Variants in ADGRL3 observed in about 807,000 individuals in gnomAD.
ADGRL3 encodes calcium-independent alpha-latrotoxin receptor 3.
In ADGRL3, 62 loss-of-function variants were observed where a neutral mutation model predicts 153.5. The observed-to-expected ratio is 0.40, with a 90% CI of 0.33 to 0.50. The LOEUF is 0.50. ADGRL3 is among the 20% of genes least tolerant of loss of function. The pLI is 0.47. For missense variants in ADGRL3, 1,641 were observed against 1,859.4 expected (o/e 0.88, Z 2.16); for synonymous variants, 710 against 672.5 (o/e 1.06, Z -0.86).
chr4:61,923,571 C>A (rs1044150809), intron 13 of ADGRL3, among the ~76,000 whole-genome samples: 1 of 152,114 alleles, frequency 6.6e-6, no homozygotes, highest in Non-Finnish European at 1.5e-5. Context: ...CAGTGCGTGT[C>A]TCTGTACCTT....
chr4:62,078,027 C>A lies in ADGRL3; in HGVS notation c.*7119C>A, dbSNP rs1333583795. Reference sequence around the variant, plus strand: ...TTTTCCCCCTCACCAAGCATTAAATCTAATTCAAAATATGTCTTTCTAAAA... The same window carrying A: ...TTTTCCCCCTCACCAAGCATTAAATATAATTCAAAATATGTCTTTCTAAAA... On this transcript the variant is annotated 3_prime_UTR_variant, in exon 27 of 27. Transcript: ENST00000683033. 3 of 151,924 alleles carry A rather than the reference C, an allele frequency of 2.0e-5. No homozygotes were observed. Among genetic ancestry groups the A allele is most frequent in the Non-Finnish European group, 4.4e-5 (3 of 67,890 alleles). 9.4% of individuals were successfully genotyped at this position (151,924 alleles called of 1,614,324 possible). A position where few individuals can be genotyped will look rare whatever the true frequency, so the allele number is the denominator to read the frequency against.
chr4:61,726,688 A>G lies in ADGRL3; in HGVS notation c.584-3934A>G, dbSNP rs1440538047. ...TAAGGGTACCCAAATGTATTTTAATAGTCTAAACCAAATGTTACAAGGAAA... is the reference window on the plus strand; with the variant it reads ...TAAGGGTACCCAAATGTATTTTAATGGTCTAAACCAAATGTTACAAGGAAA... On this transcript the variant is annotated intron_variant, in intron 6 of 26. Coordinates refer to ENST00000683033, the MANE Select transcript of ADGRL3 (RefSeq NM_001387552.1). Among the ~76,000 whole-genome samples, 4 of 152,322 alleles carry G rather than the reference A, an allele frequency of 2.6e-5. No individual in the cohort carries two copies. In the East Asian group the frequency reaches 7.7e-4, roughly 29 times the overall value.
rs561668305 is a variant in ADGRL3 at position 62,077,472 on chromosome 4, A to G, written c.*6564A>G. On this transcript the variant is annotated 3_prime_UTR_variant, in exon 27 of 27. Coordinates refer to ENST00000683033, the MANE Select transcript of ADGRL3 (RefSeq NM_001387552.1). Reference sequence around the variant, plus strand: ...TTCCTCTGTTTCTTCTGAATGTAAAACAGGCAAAATGATCCTGACTTCAAA... The same window carrying G: ...TTCCTCTGTTTCTTCTGAATGTAAAGCAGGCAAAATGATCCTGACTTCAAA... 1 of 152,158 alleles carries G rather than the reference A, an allele frequency of 6.6e-6. No homozygotes were observed. Among genetic ancestry groups the G allele is most frequent in the African/African-American group, 2.4e-5 (1 of 41,568 alleles). 9.4% of individuals were successfully genotyped at this position (152,158 alleles called of 1,614,324 possible).
intron 18 of ADGRL3, 29 bp downstream of exon 18, chr4:61,979,801 G>T (rs1304424847): frequency 6.9e-6 from 11 of 1,583,108 alleles, no homozygotes; most frequent in Non-Finnish European, 9.5e-6. Context: ...TACCAGTGAA[G>T]AATTTTTCCA....
At chr4:61,468,371 T>TCC (rs1366530909) in intron 2 of ADGRL3, among the ~76,000 whole-genome samples, 2 of 152,148 alleles carry the variant, frequency 1.3e-5, no homozygotes, top group Non-Finnish European at 2.9e-5. Flanking sequence ...CAGCTGGAAA[T>TCC]CCGGTACTTG....
rs112822655 is a variant in ADGRL3 at position 61,947,047 on chromosome 4, G to A, written c.2553G>A (p.Thr851=). Residue 851 remains threonine (T), a synonymous_variant, in exon 16 of 27, where the codon ACG becomes ACA. Transcript: ENST00000683033. ...TTATTGTCAATTCCCCTGTTATTAC[G>A]GCAGCAATAAACAAAGAGTTCAGTA... The part of the protein sequence containing the change: ...HSVIVNSPVI[T]AAINKEFSNK... 22 of 1,613,644 alleles carry A rather than the reference G, an allele frequency of 1.4e-5. No homozygotes were observed. The highest frequency in any genetic ancestry group is 5.0e-5 in the Admixed American group (3 of 59,994).
rs567142414 is a variant in ADGRL3 at position 61,673,673 on chromosome 4, C to G, written c.474-3153C>G. ...AAAGAAAGCGAAGTAAAGGACAGAA[C>G]CTTTAAACTCCTGTTTTCAAAATAT... On this transcript the variant is annotated intron_variant, in intron 5 of 26. Transcript: ENST00000683033. Among the ~76,000 whole-genome samples, 18 of 151,304 alleles carry G rather than the reference C, an allele frequency of 1.2e-4. No homozygotes were observed. The South Asian group carries it at 3.5e-3, about 30-fold the overall frequency.
At chr4:61,533,220 A>G (rs6813884) in intron 4 of ADGRL3, among the ~76,000 whole-genome samples, 45,537 of 152,052 alleles carry the variant, frequency 0.3, 7,037 homozygotes, top group South Asian at 0.4. Flanking sequence ...AAGTTTTTCA[A>G]CATGCACCCT....
At chr4:62,007,383 T>C (rs111334767) in intron 21 of ADGRL3, among the ~76,000 whole-genome samples, 1,594 of 30,774 alleles carry the variant, frequency 0.052, 162 homozygotes, top group African/African-American at 0.18. Context: ...TATATATATA[T>C]ACACACACAC....
chr4:61,488,496 GGGTATT>G (rs1350004276), intron 2 of ADGRL3, among the ~76,000 whole-genome samples: 1 of 151,902 alleles, frequency 6.6e-6, no homozygotes, highest in African/African-American at 2.4e-5. Context: ...AACTTATGTA[GGGTATT>G]GCAGGGAAGA....
At chr4:62,018,057 G>A (rs567368491) in intron 21 of ADGRL3, among the ~76,000 whole-genome samples, 1 of 152,188 alleles carries the variant, frequency 6.6e-6, no homozygotes, top group Admixed American at 6.5e-5. Context: ...AAAGAATATA[G>A]ATTCCTGAAA....
chr4:61,919,415 A>G (rs1187659077), intron 13 of ADGRL3, among the ~76,000 whole-genome samples: 1 of 152,190 alleles, frequency 6.6e-6, no homozygotes, highest in Non-Finnish European at 1.5e-5. Context: ...TCAGTAAGAG[A>G]GAAAATATAA....
intron 1 of ADGRL3, among the ~76,000 whole-genome samples, chr4:61,354,586 G>GTA (rs983560748): frequency 2.6e-5 from 4 of 151,292 alleles, no homozygotes; most frequent in Non-Finnish European, 5.9e-5. Context: ...GTGTGTGTGT[G>GTA]TGTGTGTGTG....
At chr4:61,939,172 A>G (rs1449976384) in intron 15 of ADGRL3, among the ~76,000 whole-genome samples, 1 of 152,208 alleles carries the variant, frequency 6.6e-6, no homozygotes, top group Non-Finnish European at 1.5e-5. Context: ...ACCTTAAAAT[A>G]ACATGACAGT....
At chr4:61,949,643 C>T (rs146320688) in intron 17 of ADGRL3, among the ~76,000 whole-genome samples, 6 of 151,762 alleles carry the variant, frequency 4.0e-5, no homozygotes, top group Non-Finnish European at 7.4e-5. Flanking sequence ...TGCAGTGAGC[C>T]GAGATCGCAC....
intron 4 of ADGRL3, among the ~76,000 whole-genome samples, chr4:61,518,005 A>G (rs73822610): frequency 0.022 from 3,325 of 152,278 alleles, 111 homozygotes; most frequent in East Asian, 0.15. Flanking sequence ...ATAGTTACTG[A>G]AACAACCTAA....
intron 9 of ADGRL3, among the ~76,000 whole-genome samples, chr4:61,841,646 A>C (rs1034684129): frequency 2.0e-5 from 3 of 152,220 alleles, no homozygotes; most frequent in Non-Finnish European, 2.9e-5. Flanking sequence ...CATTTAACCC[A>C]TGAGAGAATT....
intron 2 of ADGRL3, among the ~76,000 whole-genome samples, chr4:61,496,411 C>A (rs2098316182): frequency 6.6e-6 from 1 of 152,230 alleles, no homozygotes; most frequent in Non-Finnish European, 1.5e-5. Context: ...TGCCTGTAAT[C>A]CCAGCACTTT....
chr4:61,480,867 A>G (rs1021996148), intron 2 of ADGRL3, among the ~76,000 whole-genome samples: 1 of 152,184 alleles, frequency 6.6e-6, no homozygotes, highest in African/African-American at 2.4e-5. Flanking sequence ...AAGAAGACAT[A>G]CAAATGGCCA....
Sources: gnomAD v4.1 joint callset for allele counts (sites outside exome capture counted in the v4.1 genomes callset) on GRCh38, gnomAD v4.1.1 for gene constraint, MANE v1.5 for transcripts, NCBI Gene and HGNC (gene_info 2026-07-23, HGNC 2026-07-21) for gene names.